DNAJC16: variants seen among roughly 807,000 people sequenced by gnomAD.
The protein encoded by DNAJC16 is dnaJ homolog subfamily C member 16.
A neutral mutation model predicts 92.7 loss-of-function variants in DNAJC16; 76 were observed. The observed-to-expected ratio is 0.82, with a 90% confidence interval of 0.68 to 0.99. The LOEUF (loss-of-function observed/expected upper bound fraction) is 0.99. Among genes scored for constraint, DNAJC16 ranks in the 50% least tolerant of loss-of-function variants. DNAJC16 has a pLI of 0.00. For missense variants in DNAJC16, 869 were observed against 942.4 expected (o/e 0.92, Z 1.02); for synonymous variants, 328 against 358.7 (o/e 0.91, Z 0.97).
intron 4 of DNAJC16, among the ~76,000 whole-genome samples, chr1:15,538,723 C>CA (rs1210490713): frequency 2.7e-5 from 4 of 150,804 alleles, no homozygotes; most frequent in Non-Finnish European, 4.4e-5. Context: ...CTCAGAAAAA[C>CA]AAAAAAAAGA....
intron 2 of DNAJC16, among the ~76,000 whole-genome samples, chr1:15,531,178 G>A (rs1017364073): frequency 1.3e-5 from 2 of 152,214 alleles, no homozygotes; most frequent in African/African-American, 4.8e-5. Context: ...ATGCGAGTAG[G>A]AAGTTATCCA....
At chr1:15,567,319 G>T in intron 14 of DNAJC16, 50 bp downstream of exon 14, 1 of 1,529,172 alleles carries the variant, frequency 6.5e-7, no homozygotes. Context: ...AGAGAGAGAG[G>T]CAGGCACACT....
At chr1:15,535,510 G>T (rs1290947531) in intron 3 of DNAJC16, among the ~76,000 whole-genome samples, 1 of 152,184 alleles carries the variant, frequency 6.6e-6, no homozygotes, top group Non-Finnish European at 1.5e-5. Flanking sequence ...CAGCACTTGG[G>T]GAGGCTGAGG....
intron 4 of DNAJC16, among the ~76,000 whole-genome samples, chr1:15,538,545 C>G (rs902572318): frequency 6.6e-6 from 1 of 152,090 alleles, no homozygotes; most frequent in African/African-American, 2.4e-5. Context: ...TGCTGAAACT[C>G]TGTCTCTAGT....
intron 4 of DNAJC16, among the ~76,000 whole-genome samples, chr1:15,541,764 T>C (rs780363397): frequency 1.4e-5 from 2 of 142,826 alleles, no homozygotes; most frequent in Non-Finnish European, 3.0e-5. Flanking sequence ...TGTTAAGAAT[T>C]AGGCTAAAAG....
In DNAJC16 at chr1:15,529,098, G is replaced by A. The variant is rs768251118; in HGVS notation, c.-8G>A. Reference sequence around the variant, plus strand: ...CTTCAATCATTTCAGCTCTGGAAAGGAAGAGAAATGGAAGTGAGAAAGTTG... The same window carrying A: ...CTTCAATCATTTCAGCTCTGGAAAGAAAGAGAAATGGAAGTGAGAAAGTTG... On this transcript the variant is annotated 5_prime_UTR_variant, in exon 2 of 15. Transcript: ENST00000375847. 5 of 1,612,676 alleles carry A rather than the reference G, an allele frequency of 3.1e-6. No homozygotes were observed. In the Admixed American group the frequency reaches 5.0e-5, roughly 16 times the overall value.
chr1:15,560,559 C>G (rs2103424574), intron 8 of DNAJC16, among the ~76,000 whole-genome samples: 1 of 152,270 alleles, frequency 6.6e-6, no homozygotes, highest in East Asian at 1.9e-4. Flanking sequence ...AGGGCTGTTT[C>G]ATCTGTAAAA....
intron 7 of DNAJC16, among the ~76,000 whole-genome samples, chr1:15,556,220 G>GTTGTTTTGTTTTGTT (rs76260170): frequency 1.3e-5 from 2 of 149,984 alleles, no homozygotes; most frequent in Non-Finnish European, 3.0e-5. Flanking sequence ...ACAGTTGTTG[G>GTTGTTTTGTTTTGTT]TTGTTTTGTT....
At chr1:15,559,919 C>T (rs569798732) in intron 8 of DNAJC16, among the ~76,000 whole-genome samples, 19 of 151,994 alleles carry the variant, frequency 1.3e-4, no homozygotes, top group East Asian at 7.7e-4. Flanking sequence ...CAAAATTAGC[C>T]GGGCATGGTG....
intron 8 of DNAJC16, among the ~76,000 whole-genome samples, chr1:15,561,261 A>G (rs1326697784): frequency 6.6e-6 from 1 of 152,066 alleles, no homozygotes; most frequent in African/African-American, 2.4e-5. Context: ...TTTTTGGGAG[A>G]ATGAATAGCT....
At chr1:15,529,009 A>G (rs1557565863) in intron 1 of DNAJC16, 79 bp from the exon 2 acceptor site, 26 of 1,259,334 alleles carry the variant, frequency 2.1e-5, no homozygotes, top group South Asian at 3.2e-5. Context: ...TTTCATCTAT[A>G]TATCTTATAC....
chr1:15,543,387 C>T (rs974287906), intron 4 of DNAJC16, among the ~76,000 whole-genome samples: 6 of 152,204 alleles, frequency 3.9e-5, no homozygotes, highest in Non-Finnish European at 8.8e-5. Flanking sequence ...AGCCAAGGCC[C>T]TGAGGCAGGA....
At chr1:15,533,231 C>T (rs1189673167) in intron 2 of DNAJC16, among the ~76,000 whole-genome samples, 1 of 152,212 alleles carries the variant, frequency 6.6e-6, no homozygotes. Flanking sequence ...GGTGTGGTAG[C>T]TCACACCTGT....
At chr1:15,543,585 C>T (rs1037010027) in intron 4 of DNAJC16, among the ~76,000 whole-genome samples, 2 of 152,076 alleles carry the variant, frequency 1.3e-5, no homozygotes, top group African/African-American at 4.8e-5. Flanking sequence ...GTGATGTGAT[C>T]CATTTTTATG....
Position 15,559,556 on chromosome 1 carries a change from G to C in DNAJC16, c.1054G>C (p.Asp352His). 1 of 1,614,012 alleles carries C rather than the reference G, an allele frequency of 6.2e-7. No individual in the cohort carries two copies. The highest frequency in any genetic ancestry group is 8.5e-7 in the Non-Finnish European group (1 of 1,179,976). ...ARGMKKQIID[D>H]FITRNKYLLA... ...AGGTATGAAGAAGCAAATCATTGAC[G>C]ACTTCATCACCCGAAACAAATATCT... The change falls in exon 8 of 15, where the codon GAC (aspartate) becomes CAC (histidine). Residue 352 changes from aspartate (D) to histidine (H), a missense_variant. Physicochemically the swap from Asp to His is moderately conservative, Grantham distance 81. Transcript: ENST00000375847.
intron 14 of DNAJC16, 112 bp from the exon 15 acceptor site, chr1:15,567,666 A>C: frequency 8.3e-7 from 1 of 1,209,792 alleles, no homozygotes. Flanking sequence ...TTCAGGCCCC[A>C]TCCAACACAA....
At chr1:15,541,476 G>C (rs1213072007) in intron 4 of DNAJC16, among the ~76,000 whole-genome samples, 2 of 152,110 alleles carry the variant, frequency 1.3e-5, no homozygotes, top group Non-Finnish European at 2.9e-5. Context: ...ACCTCTCTCT[G>C]TATCTGTAAA....
At chr1:15,531,251 A>T (rs1449532003) in intron 2 of DNAJC16, among the ~76,000 whole-genome samples, 1 of 152,228 alleles carries the variant, frequency 6.6e-6, no homozygotes, top group East Asian at 1.9e-4. Flanking sequence ...TGCGCCTGAC[A>T]CTGTTCTGCT....
chr1:15,539,035 T>C (rs1417722239), intron 4 of DNAJC16, among the ~76,000 whole-genome samples: 1 of 151,898 alleles, frequency 6.6e-6, no homozygotes, highest in Non-Finnish European at 1.5e-5. Flanking sequence ...CCCTAAAGGG[T>C]GTGATATGTG....
Sources: gnomAD v4.1 joint callset for allele counts (sites outside exome capture counted in the v4.1 genomes callset) on GRCh38, gnomAD v4.1.1 for gene constraint, MANE v1.5 for transcripts, NCBI Gene and HGNC (gene_info 2026-07-23, HGNC 2026-07-21) for gene names.